GPHN: variants seen among roughly 807,000 people sequenced by gnomAD.
The protein encoded by GPHN is gephyrin.
A neutral mutation model predicts 95.5 loss-of-function variants in GPHN; 17 were observed. The observed-to-expected ratio is 0.18, with a 90% confidence interval of 0.12 to 0.27. The LOEUF (loss-of-function observed/expected upper bound fraction) is 0.27, where lower values mean the gene tolerates loss of function less well. GPHN is among the 10% of genes least tolerant of loss of function. GPHN has a pLI of 1.00. For synonymous variants in GPHN, 320 were observed against 322.5 expected (o/e 0.99, Z 0.08); for missense variants, 660 against 978.1 (o/e 0.67, Z 4.34).
the GPHN span, among the ~76,000 whole-genome samples, chr14:67,710,643 G>A: frequency 6.6e-6 from 1 of 150,376 alleles, no homozygotes; most frequent in African/African-American, 2.4e-5. Flanking sequence ...TTATTTCCTG[G>A]TTCCTTTTAC....
chr14:67,460,158 C>T, the GPHN span, among the ~76,000 whole-genome samples: 5 of 152,232 alleles, frequency 3.3e-5, no homozygotes, highest in East Asian at 1.9e-4. Context: ...CCCCATACCC[C>T]GCCTCCCTTT....
the GPHN span, among the ~76,000 whole-genome samples, chr14:67,330,252 A>G: frequency 6.6e-6 from 1 of 151,226 alleles, no homozygotes; most frequent in South Asian, 2.1e-4. Flanking sequence ...TATTTAATTC[A>G]TTTCTTTTTA....
the GPHN span, among the ~76,000 whole-genome samples, chr14:67,231,990 A>G: frequency 2.0e-5 from 3 of 152,060 alleles, no homozygotes; most frequent in East Asian, 3.9e-4. Flanking sequence ...AAAAAAATTA[A>G]CATGATAATT....
chr14:67,076,222 G>A (rs990199249), intron 11 of GPHN, among the ~76,000 whole-genome samples: 1 of 152,154 alleles, frequency 6.6e-6, no homozygotes, highest in African/African-American at 2.4e-5. Context: ...TGAAGACTCA[G>A]ATAATTGTTA....
In GPHN at chr14:66,924,090, A is replaced by G. The variant is rs1235855160; in HGVS notation, c.730-104A>G. ...TACATTTGGAAAATGTTAGCATTTC[A>G]TTTTTCCATTTGTTTTTACCTTTTT... On this transcript the variant is annotated intron_variant, in intron 7 of 22. Coordinates refer to ENST00000478722, the MANE Select transcript of GPHN (RefSeq NM_020806.5). The G allele has an allele frequency of 5.5e-6, 4 of 720,868 alleles. No individual in the cohort carries two copies. In the East Asian group the frequency reaches 1.1e-4, roughly 19 times the overall value. The allele number at this position is 720,868 out of a possible 1,614,324, so 44.7% of individuals were successfully genotyped here. A position where few individuals can be genotyped will look rare whatever the true frequency, so the allele number is the denominator to read the frequency against.
intron 1 of GPHN, among the ~76,000 whole-genome samples, chr14:66,558,125 C>T (rs532294054): frequency 6.6e-6 from 1 of 152,064 alleles, no homozygotes; most frequent in East Asian, 1.9e-4. Flanking sequence ...TTTCCTAAAA[C>T]AAAACTCCTA....
At chr14:66,593,718 A>T (rs2061856418) in intron 1 of GPHN, among the ~76,000 whole-genome samples, 1 of 152,194 alleles carries the variant, frequency 6.6e-6, no homozygotes, top group Non-Finnish European at 1.5e-5. Flanking sequence ...AGTGAGTATT[A>T]TGCTCAGCAC....
intron 1 of GPHN, among the ~76,000 whole-genome samples, chr14:66,662,219 C>G (rs1128954): frequency 0.33 from 50,400 of 152,002 alleles, 12,341 homozygotes; most frequent in African/African-American, 0.67. Context: ...GACTGGGTGA[C>G]ACCTCCCAAC....
At chr14:66,787,041 TAAAACCACATAGATTAG>T (rs1164564380) in intron 3 of GPHN, among the ~76,000 whole-genome samples, 1 of 152,118 alleles carries the variant, frequency 6.6e-6, no homozygotes, top group Non-Finnish European at 1.5e-5. Flanking sequence ...GAATATGTGC[TAAAACCACATAGATTAG>T]AAAGTAAGAA....
chr14:67,436,627 A>G, the GPHN span, among the ~76,000 whole-genome samples: 2 of 152,098 alleles, frequency 1.3e-5, no homozygotes, highest in African/African-American at 4.8e-5. Context: ...GCACCCGATA[A>G]TCTCACTGCC....
At chr14:67,673,546 C>G in the GPHN span, among the ~76,000 whole-genome samples, 2 of 152,204 alleles carry the variant, frequency 1.3e-5, no homozygotes, top group East Asian at 1.9e-4. Context: ...CCTCACAATT[C>G]ACCAGCACCT....
At chr14:67,012,188 A>G (rs1389754622) in intron 9 of GPHN, among the ~76,000 whole-genome samples, 1 of 152,220 alleles carries the variant, frequency 6.6e-6, no homozygotes, top group Non-Finnish European at 1.5e-5. Flanking sequence ...GCATCTTTCC[A>G]TAAATTTTGA....
intron 2 of GPHN, among the ~76,000 whole-genome samples, chr14:66,749,802 C>T (rs1022514669): frequency 4.2e-4 from 64 of 151,038 alleles, no homozygotes; most frequent in Non-Finnish European, 1.5e-5. Context: ...CTTGTCTTTT[C>T]GTTCCCTTCA....
At chr14:67,199,312 A>G in the GPHN span, 181 of 1,609,786 alleles carry the variant, frequency 1.1e-4, no homozygotes, top group Non-Finnish European at 1.5e-4. Context: ...GGAAGCCAAT[A>G]CGGGTGAACA....
intron 4 of GPHN, among the ~76,000 whole-genome samples, chr14:66,825,771 G>A (rs1488741683): frequency 1.3e-5 from 2 of 152,052 alleles, no homozygotes; most frequent in Non-Finnish European, 2.9e-5. Flanking sequence ...AATCAAAATC[G>A]AGTCGTATTG....
chr14:67,462,075 C>T, the GPHN span, among the ~76,000 whole-genome samples: 137 of 152,340 alleles, frequency 9.0e-4, no homozygotes, highest in African/African-American at 3.2e-3. Flanking sequence ...AAAAGGACAA[C>T]AGCTAAATCA....
chr14:66,989,486 T>A (rs2071255256), intron 9 of GPHN, among the ~76,000 whole-genome samples: 2 of 151,940 alleles, frequency 1.3e-5, no homozygotes, highest in Non-Finnish European at 1.5e-5. Flanking sequence ...CCTTAAAAAT[T>A]AGGTTATCTC....
intron 17 of GPHN, among the ~76,000 whole-genome samples, chr14:67,139,934 A>G (rs1033780380): frequency 5.3e-5 from 8 of 152,198 alleles, no homozygotes; most frequent in African/African-American, 1.9e-4. Context: ...ACAAAGTATC[A>G]TTGAGCATAT....
intron 4 of GPHN, among the ~76,000 whole-genome samples, chr14:66,831,218 A>G (rs2061565539): frequency 6.6e-6 from 1 of 152,138 alleles, no homozygotes; most frequent in African/African-American, 2.4e-5. Context: ...AAAAAATACC[A>G]TATTTAATCA....
Sources: allele counts gnomAD v4.1 joint callset (sites outside exome capture counted in the v4.1 genomes callset), GRCh38; gene constraint gnomAD v4.1.1; transcripts MANE v1.5; gene names NCBI Gene and HGNC (gene_info 2026-07-23, HGNC 2026-07-21).